PCID2: variants seen among roughly 807,000 people sequenced by gnomAD.
PCID2 encodes the protein PCI domain-containing protein 2.
In PCID2, 41 loss-of-function variants were observed where a neutral mutation model predicts 61.3. The ratio of observed to expected loss-of-function variants is 0.67; its 90% CI spans 0.52 to 0.87. The LOEUF (loss-of-function observed/expected upper bound fraction) is 0.87. Among genes scored for constraint, PCID2 ranks in the 40% least tolerant of loss-of-function variants. The pLI, the probability that PCID2 is intolerant of heterozygous loss-of-function variation, is 0.00. For synonymous variants in PCID2, 187 were observed against 177.8 expected (o/e 1.05, Z -0.41); for missense variants, 392 against 493.4 (o/e 0.79, Z 1.95).
intron 2 of PCID2, among the ~76,000 whole-genome samples, chr13:113,198,923 T>A (rs1294323761): frequency 6.6e-6 from 1 of 152,360 alleles, no homozygotes; most frequent in Non-Finnish European, 1.5e-5. Context: ...TGAGGTCTAA[T>A]GAGTTACAGA....
chr13:113,182,002 A>C (rs2037680493), intron 9 of PCID2, among the ~76,000 whole-genome samples: 1 of 152,196 alleles, frequency 6.6e-6, no homozygotes, highest in Admixed American at 6.5e-5. Context: ...CCCTAGGTGA[A>C]GAGAAGAGGC....
At chr13:113,184,632 GAGCAGCC>G (rs755567168) in intron 8 of PCID2, 145 bp from the exon 9 acceptor site, 87 of 609,082 alleles carry the variant, frequency 1.4e-4, no homozygotes, top group Non-Finnish European at 2.3e-4. Context: ...CCAAAACAGA[GAGCAGCC>G]AGCATAGATG....
downstream of PCID2, among the ~76,000 whole-genome samples, chr13:113,176,062 G>C (rs113572469): frequency 6.6e-6 from 1 of 152,272 alleles, no homozygotes; most frequent in Non-Finnish European, 1.5e-5. Flanking sequence ...ATGTAGGAGC[G>C]AGCTAAGGAG....
intron 5 of PCID2, 45 bp downstream of exon 5, chr13:113,196,136 A>T (rs2038993476): frequency 1.4e-5 from 20 of 1,455,676 alleles, no homozygotes; most frequent in Non-Finnish European, 1.9e-5. Context: ...GATTCTGCTA[A>T]AAAAATTGCC....
Position 113,197,256 on chromosome 13 carries a change from C to T in PCID2, c.201-13G>A. ...TGCATAAGTGCACCTGGAGGAGAAA[C>T]AGAAACATGCTGTCACACAATAAAA... On this transcript the variant is annotated splice_polypyrimidine_tract_variant and intron_variant, in intron 3 of 13. Transcript: ENST00000337344. 1.9e-6 allele frequency: 3 copies of T among 1,571,788 alleles called. No homozygotes were observed. The highest frequency in any genetic ancestry group is 2.6e-6 in the Non-Finnish European group (3 of 1,141,542).
rs1394241863 is a variant in PCID2 at position 113,190,514 on chromosome 13, CGA to C, written c.467+356_467+357del. Among the ~76,000 whole-genome samples the C allele has an allele frequency of 4.6e-5, 7 of 152,148 alleles. No individual in the cohort carries two copies. In the South Asian group the frequency reaches 6.2e-4, roughly 14 times the overall value. On this transcript the variant is annotated intron_variant, in intron 7 of 13. Transcript: ENST00000337344. ...AGAGAACATTTCTTAAAAAAAATAA[CGA>C]GAGTTTCAGAAAAATGAAAGCTTAA...
Position 113,180,054 on chromosome 13 carries a change from G to A in PCID2, c.861-12C>T. 5.0e-6 allele frequency: 8 copies of A among 1,613,832 alleles called. No homozygotes were observed. The Middle Eastern group carries it at 1.3e-3, about 266-fold the overall frequency. On this transcript the variant is annotated splice_polypyrimidine_tract_variant and intron_variant, in intron 11 of 13. Coordinates refer to ENST00000337344, the MANE Select transcript of PCID2 (RefSeq NM_001127202.4). ...GCAGGTTGCCCTCGCTGGTGAGGGG[G>A]GAGGCGCGTCAGAAGGAGGGTGAGT...
chr13:113,208,602 C>T lies in PCID2; in HGVS notation c.33G>A (p.Gln11=), dbSNP rs1434346926. 2 of 1,608,098 alleles carry T rather than the reference C, an allele frequency of 1.2e-6. No individual in the cohort carries two copies. Among genetic ancestry groups the T allele is most frequent in the Admixed American group, 3.4e-5 (2 of 59,666 alleles). ...GCGCTCCCCGGCTAGGACCCACCTGCTGCAGGTACTGGTTAATGGTAATGT... is the reference window on the plus strand; with the variant it reads ...GCGCTCCCCGGCTAGGACCCACCTGTTGCAGGTACTGGTTAATGGTAATGT... MAHITINQYL[Q]QVYEAIDSRD... is the part of the protein sequence containing the mutation. Residue 11 remains glutamine (Q), a synonymous_variant, in exon 1 of 14, where the codon CAG becomes CAA. Coordinates refer to ENST00000337344, the MANE Select transcript of PCID2 (RefSeq NM_001127202.4).
chr13:113,205,774 G>A (rs191662925), intron 1 of PCID2, among the ~76,000 whole-genome samples: 6 of 152,334 alleles, frequency 3.9e-5, no homozygotes, highest in Non-Finnish European at 2.9e-5. Flanking sequence ...AATCCATACA[G>A]ACAGAGAGCA....
chr13:113,190,145 G>C (rs2038484799), intron 7 of PCID2, among the ~76,000 whole-genome samples: 1 of 150,556 alleles, frequency 6.6e-6, no homozygotes, highest in Non-Finnish European at 1.5e-5. Flanking sequence ...GGGGCCAAAA[G>C]TAGTTAAAGA....
the PCID2 span, chr13:113,170,528 C>G: frequency 1.3e-6 from 2 of 1,532,404 alleles, no homozygotes. Flanking sequence ...ACTGTAAAAA[C>G]ATGTAAGTAT....
intron 1 of PCID2, chr13:113,208,286 C>G (rs578182622): frequency 7.0e-7 from 1 of 1,434,016 alleles, no homozygotes; most frequent in South Asian, 1.5e-5. Context: ...TTCGGACCGC[C>G]TGGGAGCGCG....
the PCID2 span, among the ~76,000 whole-genome samples, chr13:113,168,663 T>C: frequency 6.6e-6 from 1 of 152,272 alleles, no homozygotes; most frequent in Non-Finnish European, 1.5e-5. Flanking sequence ...TTCTTGCACA[T>C]AGGGTTTGTT....
downstream of PCID2, among the ~76,000 whole-genome samples, chr13:113,172,607 G>A (rs1192758860): frequency 6.6e-6 from 1 of 152,204 alleles, no homozygotes; most frequent in African/African-American, 2.4e-5. Context: ...GGTTGGCAAT[G>A]GAGGAGAATG....
At chr13:113,176,538 A>AATTGG (rs2037190840), downstream of PCID2, among the ~76,000 whole-genome samples, 1 of 50,746 alleles carries the variant, frequency 2.0e-5, no homozygotes, top group Non-Finnish European at 4.7e-5. Context: ...GAGGTGGGGG[A>AATTGG]ATTGCTTTAG....
At chr13:113,199,285 C>T (rs1487045618) in intron 2 of PCID2, among the ~76,000 whole-genome samples, 1 of 152,168 alleles carries the variant, frequency 6.6e-6, no homozygotes, top group Non-Finnish European at 1.5e-5. Flanking sequence ...GAATTCACTC[C>T]TTGTGTGGGA....
intron 8 of PCID2, among the ~76,000 whole-genome samples, chr13:113,185,228 G>C (rs903324314): frequency 3.3e-5 from 5 of 152,256 alleles, no homozygotes; most frequent in South Asian, 2.1e-4. Context: ...TTCACACACA[G>C]GGGCCTTCGT....
At chr13:113,196,408 G>T (rs1270551571) in intron 4 of PCID2, among the ~76,000 whole-genome samples, 186 bp from the exon 5 acceptor site, 1 of 152,128 alleles carries the variant, frequency 6.6e-6, no homozygotes, top group Non-Finnish European at 1.5e-5. Context: ...ATCTCATTAG[G>T]CTCAAGTATA....
intron 13 of PCID2, 145 bp downstream of exon 13, chr13:113,178,821 T>G (rs1036784121): frequency 4.8e-5 from 32 of 662,586 alleles, no homozygotes; most frequent in Non-Finnish European, 1.5e-5. Context: ...CCCTGGTGAA[T>G]GGTATTTCCT....
Sources: allele counts gnomAD v4.1 joint callset (sites outside exome capture counted in the v4.1 genomes callset), GRCh38; gene constraint gnomAD v4.1.1; transcripts MANE v1.5; gene names NCBI Gene and HGNC (gene_info 2026-07-23, HGNC 2026-07-21).